TM9SF4: variants seen among roughly 807,000 people sequenced by gnomAD.
TM9SF4 encodes dinucleotide oxidase disulfide thiol exchanger 3 superfamily member 4.
A neutral mutation model predicts 90.4 loss-of-function variants in TM9SF4; 26 were observed. The ratio of observed to expected loss-of-function variants is 0.29; its 90% CI spans 0.21 to 0.40. The LOEUF (loss-of-function observed/expected upper bound fraction) is 0.40, where lower values mean the gene tolerates loss of function less well. TM9SF4 is among the 10% of genes least tolerant of loss of function. The probability of loss-of-function intolerance (pLI) is 1.00; values close to 1 mark genes in which losing one functional copy is unlikely to be tolerated. For missense variants in TM9SF4, 549 were observed against 834.8 expected, an observed-to-expected ratio of 0.66 and a Z score of 4.22; for synonymous variants, 293 against 315.4, an observed-to-expected ratio of 0.93 and a Z score of 0.75.
intron 1 of TM9SF4, 95 bp from the exon 2 acceptor site, chr20:32,132,918 A>G (rs1458670551): frequency 4.4e-6 from 5 of 1,129,994 alleles, no homozygotes; most frequent in Non-Finnish European, 6.4e-6. Context: ...CACTGGGTCA[A>G]TTAAAGCAAC....
chr20:32,156,721 C>A (rs2046927117), intron 13 of TM9SF4, among the ~76,000 whole-genome samples: 1 of 151,994 alleles, frequency 6.6e-6, no homozygotes, highest in African/African-American at 2.4e-5. Context: ...GTCCTCCCAC[C>A]TCAGCCCCAC....
At chr20:32,115,453 T>G (rs1432907982) in intron 1 of TM9SF4, among the ~76,000 whole-genome samples, 1 of 152,228 alleles carries the variant, frequency 6.6e-6, no homozygotes, top group African/African-American at 2.4e-5. Flanking sequence ...TCAAGCCTGC[T>G]TTGATCCCTG....
At chr20:32,120,084 G>C (rs755019111) in intron 1 of TM9SF4, among the ~76,000 whole-genome samples, 2 of 152,142 alleles carry the variant, frequency 1.3e-5, no homozygotes, top group Non-Finnish European at 1.5e-5. Context: ...TGTAGTATAA[G>C]TCCTCCAATT....
intron 1 of TM9SF4, among the ~76,000 whole-genome samples, chr20:32,119,751 A>G (rs752265133): frequency 6.6e-6 from 1 of 152,088 alleles, no homozygotes; most frequent in Non-Finnish European, 1.5e-5. Context: ...TGCCTAACCC[A>G]AGATCACAAT....
chr20:32,109,869 G>A, intron 1 of TM9SF4, 114 bp downstream of exon 1: 1 of 1,532,034 alleles, frequency 6.5e-7, no homozygotes, highest in South Asian at 1.2e-5. Flanking sequence ...CCTGACTCAG[G>A]CCTGAGGGCT....
At chr20:32,117,223 C>CAAA (rs34453961) in intron 1 of TM9SF4, among the ~76,000 whole-genome samples, 18 of 68,222 alleles carry the variant, frequency 2.6e-4, no homozygotes, top group East Asian at 4.1e-4. Context: ...GACTCTGTCT[C>CAAA]AAAAAAAAAA....
Position 32,155,198 on chromosome 20 carries a change from C to A in TM9SF4, c.1329+12C>A, listed in dbSNP as rs147040130. On this transcript the variant is annotated intron_variant, in intron 13 of 17. Coordinates refer to ENST00000398022, the MANE Select transcript of TM9SF4 (RefSeq NM_014742.4). The stretch of plus-strand genomic sequence containing the variant: ...ACTCATCAGGAGCGGTAAGTGCCTC[C>A]CCTACCCTTCCAGCCCCTCCCCAGC... 16 of 1,609,728 alleles carry A rather than the reference C, an allele frequency of 9.9e-6. No homozygotes were observed. In the African/African-American group the frequency reaches 1.7e-4, roughly 17 times the overall value.
In TM9SF4 at chr20:32,149,739, C is replaced by G; in HGVS notation, c.1060C>G (p.Leu354Val). 1.9e-6 allele frequency: 3 copies of G among 1,614,202 alleles called. No homozygotes were observed. The highest frequency in any genetic ancestry group is 2.5e-6 in the Non-Finnish European group (3 of 1,180,030). The stretch of plus-strand genomic sequence containing the variant: ...CTCCCTGCTGGGCTCAGGCATTCAG[C>G]TGTTCTGTATGATCCTCATCGTCAT... ...LSSLLGSGIQ[L>V]FCMILIVIFV... is the part of the protein sequence containing the mutation. Residue 354 changes from leucine to valine, a missense_variant, in exon 10 of 18, where the codon CTG becomes GTG. Leu to Val is a conservative substitution (Grantham distance 32). Transcript: ENST00000398022.
At chr20:32,160,178 G>A in intron 16 of TM9SF4, 67 bp downstream of exon 16, 1 of 1,606,198 alleles carries the variant, frequency 6.2e-7, no homozygotes, top group Admixed American at 1.7e-5. Flanking sequence ...GGTTGATGAG[G>A]CTCTGCGGAG....
At chr20:32,125,330 A>G (rs1019517809) in intron 1 of TM9SF4, among the ~76,000 whole-genome samples, 3 of 152,242 alleles carry the variant, frequency 2.0e-5, no homozygotes, top group African/African-American at 7.2e-5. Context: ...TAGTTTACAG[A>G]TAAGAACCCA....
intron 12 of TM9SF4, among the ~76,000 whole-genome samples, chr20:32,154,654 T>C (rs1465048764): frequency 1.3e-5 from 2 of 152,070 alleles, no homozygotes; most frequent in African/African-American, 2.4e-5. Flanking sequence ...AGTTTCGCCA[T>C]GTGGGCCAGG....
chr20:32,158,451 C>T lies in TM9SF4; in HGVS notation c.1506C>T (p.Gly502=), dbSNP rs1394984067. The stretch of plus-strand genomic sequence containing the variant: ...ATGTCAACCTCTCGTTCTGTGGCAG[C>T]ATCCTCATGGCTGGGATCTTGCCCT... The part of the protein sequence containing the change: ...EQRWYMNRFV[G]ILMAGILPFG... The change falls in exon 15 of 18, where the codon GGC becomes GGT. Residue 502 remains glycine (G), a splice_region_variant and synonymous_variant. Transcript: ENST00000398022. 3 of 1,614,110 alleles carry T rather than the reference C, an allele frequency of 1.9e-6. No homozygotes were observed. The highest frequency in any genetic ancestry group is 1.7e-5 in the Admixed American group (1 of 60,008).
In TM9SF4 at chr20:32,113,540, A is replaced by G. The variant is rs979594411; in HGVS notation, c.15+3785A>G. 7.9e-5 allele frequency among the ~76,000 whole-genome samples: 12 copies of G among 152,300 alleles called. 1 individual carries two copies. The highest frequency in any genetic ancestry group is 6.8e-3 in the Middle Eastern group (2 of 294). On this transcript the variant is annotated intron_variant, in intron 1 of 17. Transcript: ENST00000398022. The stretch of plus-strand genomic sequence containing the variant: ...ATATTATTTCATTGAAACTTGGGAA[A>G]TGTCCATTGAGTACATTTCTAGATG...
chr20:32,139,304 CA>C (rs1450890310), intron 3 of TM9SF4, among the ~76,000 whole-genome samples: 2 of 152,232 alleles, frequency 1.3e-5, no homozygotes, highest in Admixed American at 6.5e-5. Flanking sequence ...TTGATATATC[CA>C]AACTGAAAAT....
intron 1 of TM9SF4, among the ~76,000 whole-genome samples, chr20:32,114,556 C>T (rs1367398037): frequency 1.3e-5 from 2 of 152,234 alleles, no homozygotes; most frequent in Admixed American, 1.3e-4. Flanking sequence ...TAGCCTTGAA[C>T]TCCTGGCCTC....
In TM9SF4 at chr20:32,141,867, A is replaced by G; in HGVS notation, c.500A>G (p.Tyr167Cys). ...KEKDVQFEHG[Y>C]RLGFTDVNKI... ...AAAGATGTGCAGTTTGAACACGGCTACCGGCTCGGCTTCACAGATGTCAAC... is the reference window on the plus strand; with the variant it reads ...AAAGATGTGCAGTTTGAACACGGCTGCCGGCTCGGCTTCACAGATGTCAAC... Residue 167 changes from tyrosine to cysteine, a missense_variant, in exon 5 of 18, where the codon TAC (tyrosine) becomes TGC (cysteine). By Grantham distance (194) the Tyr-to-Cys change is radical. Coordinates refer to ENST00000398022, the MANE Select transcript of TM9SF4 (RefSeq NM_014742.4). 6.2e-7 allele frequency: 1 copy of G among 1,614,142 alleles called. No homozygotes were observed. Among genetic ancestry groups the G allele is most frequent in the South Asian group, 1.1e-5 (1 of 91,070 alleles).
chr20:32,152,086 G>A (rs1488965431), intron 12 of TM9SF4, among the ~76,000 whole-genome samples: 3 of 151,066 alleles, frequency 2.0e-5, no homozygotes, highest in Admixed American at 1.3e-4. Context: ...TAGCCAGGAT[G>A]GTCTCGATCT....
At chr20:32,123,122 T>C (rs1424133976) in intron 1 of TM9SF4, among the ~76,000 whole-genome samples, 1 of 132,860 alleles carries the variant, frequency 7.5e-6, no homozygotes, top group Non-Finnish European at 1.6e-5. Context: ...GGCAGCAGTA[T>C]AGTCCAGCTT....
In TM9SF4 at chr20:32,149,702, C is replaced by A; in HGVS notation, c.1023C>A (p.Pro341=). ...HGDVFRPPQY[P]MILSSLLGSG... Reference sequence around the variant, plus strand: ...ACGTCTTCAGGCCCCCCCAGTACCCCATGATCCTCAGCTCCCTGCTGGGCT... The same window carrying A: ...ACGTCTTCAGGCCCCCCCAGTACCCAATGATCCTCAGCTCCCTGCTGGGCT... The change falls in exon 10 of 18, where the codon CCC becomes CCA. Residue 341 remains proline (P), a synonymous_variant. Coordinates refer to ENST00000398022, the MANE Select transcript of TM9SF4 (RefSeq NM_014742.4). 1 of 1,614,230 alleles carries A rather than the reference C, an allele frequency of 6.2e-7. No individual in the cohort carries two copies. Among genetic ancestry groups the A allele is most frequent in the Non-Finnish European group, 8.5e-7 (1 of 1,180,034 alleles).
Sources: allele counts gnomAD v4.1 joint callset (sites outside exome capture counted in the v4.1 genomes callset), GRCh38; gene constraint gnomAD v4.1.1; transcripts MANE v1.5; gene names NCBI Gene and HGNC (gene_info 2026-07-23, HGNC 2026-07-21).